FHIT: variants seen among roughly 807,000 people sequenced by gnomAD.
FHIT encodes the protein fragile histidine triad diadenosine triphosphatase, also known as bis(5'-adenosyl)-triphosphatase.
A neutral mutation model predicts 17.9 loss-of-function variants in FHIT; 19 were observed. The observed-to-expected ratio is 1.06, with a 90% confidence interval of 0.74 to 1.56. The LOEUF (loss-of-function observed/expected upper bound fraction) is 1.56. Among genes scored for constraint, FHIT ranks in the 40% most tolerant of loss-of-function variants. FHIT has a pLI of 0.00. For missense variants in FHIT, 248 were observed against 189.2 expected, an observed-to-expected ratio of 1.31 and a Z score of -1.82; for synonymous variants, 81 against 69.7, an observed-to-expected ratio of 1.16 and a Z score of -0.81.
intron 5 of FHIT, among the ~76,000 whole-genome samples, chr3:60,318,657 G>A (rs115734984): frequency 0.011 from 1,741 of 152,246 alleles, 39 homozygotes; most frequent in African/African-American, 0.039. Context: ...CAGCAGAATC[G>A]TATAGTCCAG....
rs113008124 is a variant in FHIT at position 60,011,523 on chromosome 3, A to G, written c.250-123T>C. 332 of 841,776 alleles carry G rather than the reference A, an allele frequency of 3.9e-4. 3 individuals carry two copies. The African/African-American group carries it at 4.0e-3, about 10-fold the overall frequency. The allele number at this position is 841,776 out of a possible 1,614,324, so 52.1% of individuals were successfully genotyped here. A position where few individuals can be genotyped will look rare whatever the true frequency, so the allele number is the denominator to read the frequency against. On this transcript the variant is annotated intron_variant, in intron 6 of 9. Transcript: ENST00000492590. ...TTGTGTGTTAATTTATAGTATTCTC[A>G]TGGGGACCATTGGCTTCAAATGTGC... is the stretch of plus-strand genomic sequence containing the variant.
At chr3:60,195,404 T>C (rs949779594) in intron 5 of FHIT, among the ~76,000 whole-genome samples, 8 of 151,590 alleles carry the variant, frequency 5.3e-5, no homozygotes, top group Non-Finnish European at 1.2e-4. Context: ...ATCCCAATAC[T>C]GGGTTTCTAC....
Position 60,585,132 on chromosome 3 carries a change from ATCCC to A in FHIT, c.-17-48157_-17-48154del, listed in dbSNP as rs369655677. ...GCTGGAATATCTAAAAAGGGATTAT[ATCCC>A]TCCCTATTTGTCAATAAATATGACA... On this transcript the variant is annotated intron_variant, in intron 4 of 9. Transcript: ENST00000492590. Among the ~76,000 whole-genome samples the A allele has an allele frequency of 2.6e-4, 40 of 152,126 alleles. 1 individual carries two copies. Among genetic ancestry groups the A allele is most frequent in the African/African-American group, 9.1e-4 (38 of 41,558 alleles).
At chr3:60,968,379 T>G (rs1047800977) in intron 3 of FHIT, among the ~76,000 whole-genome samples, 1 of 151,882 alleles carries the variant, frequency 6.6e-6, no homozygotes, top group African/African-American at 2.4e-5. Context: ...AACAAGAAAA[T>G]TGTTAATATT....
intron 3 of FHIT, among the ~76,000 whole-genome samples, chr3:60,895,166 G>C (rs1211056770): frequency 3.3e-5 from 5 of 152,264 alleles, no homozygotes; most frequent in South Asian, 4.1e-4. Flanking sequence ...TCTTGAAGAG[G>C]ACAGGCCTGT....
intron 4 of FHIT, among the ~76,000 whole-genome samples, chr3:60,659,291 C>T (rs1317403111): frequency 1.3e-5 from 2 of 151,868 alleles, no homozygotes; most frequent in African/African-American, 4.8e-5. Context: ...ATTCATTGAG[C>T]TTCTTGGATT....
At chr3:61,067,402 T>A (rs1203270691) in intron 2 of FHIT, among the ~76,000 whole-genome samples, 4 of 152,194 alleles carry the variant, frequency 2.6e-5, no homozygotes, top group African/African-American at 9.7e-5. Flanking sequence ...AAGTTTACAG[T>A]GTCCTCTACC....
At position 61,047,785 on chromosome 3, in the gene FHIT, C is replaced by T. The variant is rs183954073; in HGVS notation, c.-163-5686G>A. ...ACTGGTACCAAAACAGAGATATAGA[C>T]CAATGGAACAGAACAGAGCCCTCAG... is the stretch of plus-strand genomic sequence containing the variant. On this transcript the variant is annotated intron_variant, in intron 2 of 9. Transcript: ENST00000492590. 3.7e-3 allele frequency among the ~76,000 whole-genome samples: 565 copies of T among 151,742 alleles called. 3 individuals are homozygous for T. The highest frequency in any genetic ancestry group is 0.013 in the African/African-American group (537 of 41,388).
chr3:59,994,703 A>G (rs965749939), intron 7 of FHIT, among the ~76,000 whole-genome samples: 1 of 152,070 alleles, frequency 6.6e-6, no homozygotes, highest in East Asian at 1.9e-4. Context: ...GTGTCTTTCC[A>G]TAAAGCTGTG....
intron 4 of FHIT, among the ~76,000 whole-genome samples, chr3:60,679,253 T>C (rs1232890406): frequency 6.6e-6 from 1 of 152,160 alleles, no homozygotes; most frequent in Non-Finnish European, 1.5e-5. Flanking sequence ...TCCGTCCAAC[T>C]GGACAAAACA....
At chr3:60,165,946 A>T (rs751785772) in intron 5 of FHIT, among the ~76,000 whole-genome samples, 4 of 152,086 alleles carry the variant, frequency 2.6e-5, no homozygotes, top group Non-Finnish European at 5.9e-5. Flanking sequence ...CATCTATGGC[A>T]TTTTTTTATA....
chr3:60,222,482 G>A (rs1704006625), intron 5 of FHIT, among the ~76,000 whole-genome samples: 1 of 152,052 alleles, frequency 6.6e-6, no homozygotes, highest in African/African-American at 2.4e-5. Context: ...ATTAATTGTG[G>A]TTCTTGCCAT....
intron 7 of FHIT, among the ~76,000 whole-genome samples, chr3:59,944,034 G>A (rs1706671980): frequency 6.6e-6 from 1 of 152,134 alleles, no homozygotes; most frequent in Non-Finnish European, 1.5e-5. Flanking sequence ...TCAGTACTAG[G>A]TACTGTCTAA....
chr3:60,122,491 G>T (rs568437301), intron 5 of FHIT, among the ~76,000 whole-genome samples: 1 of 152,174 alleles, frequency 6.6e-6, no homozygotes, highest in East Asian at 1.9e-4. Context: ...TCGAACAGGA[G>T]GTGGTGGTAA....
chr3:60,299,536 A>G (rs1203572019), intron 5 of FHIT, among the ~76,000 whole-genome samples: 1 of 152,090 alleles, frequency 6.6e-6, no homozygotes, highest in Non-Finnish European at 1.5e-5. Flanking sequence ...ATATGATGCC[A>G]CTTTTGCCTG....
intron 4 of FHIT, among the ~76,000 whole-genome samples, chr3:60,759,999 ATCTT>A (rs781882836): frequency 8.2e-6 from 1 of 122,572 alleles, no homozygotes; most frequent in Non-Finnish European, 1.8e-5. Flanking sequence ...TCCTTCCTTT[ATCTT>A]TCTTTCTTTT....
intron 5 of FHIT, among the ~76,000 whole-genome samples, chr3:60,250,382 C>T (rs1705637005): frequency 6.6e-6 from 1 of 152,088 alleles, no homozygotes; most frequent in Non-Finnish European, 1.5e-5. Context: ...ACTGACAATT[C>T]AAGAGCATTA....
At chr3:60,697,074 T>C (rs1407384375) in intron 4 of FHIT, among the ~76,000 whole-genome samples, 1 of 152,232 alleles carries the variant, frequency 6.6e-6, no homozygotes, top group Non-Finnish European at 1.5e-5. Context: ...GATGGAAAGT[T>C]ATCCCTAGTA....
intron 4 of FHIT, among the ~76,000 whole-genome samples, chr3:60,757,020 AAAAC>A (rs879994746): frequency 2.0e-5 from 3 of 152,210 alleles, no homozygotes; most frequent in African/African-American, 7.2e-5. Flanking sequence ...AAACAAAAAC[AAAAC>A]AAACAAACAA....
Sources: gnomAD v4.1 joint callset for allele counts (sites outside exome capture counted in the v4.1 genomes callset) on GRCh38, gnomAD v4.1.1 for gene constraint, MANE v1.5 for transcripts, NCBI Gene and HGNC (gene_info 2026-07-23, HGNC 2026-07-21) for gene names.